The following IL11RA variants were observed in gnomAD, a reference collection of about 807,000 sequenced individuals.
IL11RA encodes interleukin 11 receptor subunit alpha.
In IL11RA, 51 loss-of-function variants were observed where a neutral mutation model predicts 57.0. The ratio of observed to expected loss-of-function variants is 0.89; its 90% confidence interval spans 0.71 to 1.13. The LOEUF (loss-of-function observed/expected upper bound fraction) is 1.13. IL11RA is among the 50% of genes most tolerant of loss of function. The probability of loss-of-function intolerance (pLI) is 0.00; values close to 1 mark genes in which losing one functional copy is unlikely to be tolerated. For synonymous variants in IL11RA, 199 were observed against 217.5 expected (o/e 0.91, Z 0.75); for missense variants, 498 against 539.4 (o/e 0.92, Z 0.76).
At position 34,658,483 on chromosome 9, in the gene IL11RA, C is replaced by G. The variant is rs769179462; in HGVS notation, c.647-37C>G. 1 of 1,611,240 alleles carries G rather than the reference C, an allele frequency of 6.2e-7. No individual in the cohort carries two copies. The highest frequency in any genetic ancestry group is 1.1e-5 in the South Asian group (1 of 91,050). On this transcript the variant is annotated intron_variant, in intron 7 of 12. Coordinates refer to ENST00000441545, the MANE Select transcript of IL11RA (RefSeq NM_001142784.3). This position sits in a 1 kb window ranked among gnomAD's most constrained non-coding sequence, Gnocchi z 4.0. ...AAGTGGTGGGGAAGTGATGGAGACC[C>G]ATAGCCTACCCTGACTTTGTGTCTT...
In IL11RA at chr9:34,657,096, T is replaced by C. The variant is rs1388970899; in HGVS notation, c.393T>C (p.Thr131=). The C allele has an allele frequency of 6.2e-7, 1 of 1,614,052 alleles. No homozygotes were observed. Among genetic ancestry groups the C allele is most frequent in the Non-Finnish European group, 8.5e-7 (1 of 1,180,034 alleles). ...CCGACTATGAGAACTTCTCTTGCAC[T>C]TGGAGTCCCAGCCAGATCAGCGGTT... ...QAADYENFSC[T]WSPSQISGLP... Residue 131 remains threonine, a synonymous_variant, in exon 5 of 13, where the codon ACT becomes ACC. Coordinates refer to ENST00000441545, the MANE Select transcript of IL11RA (RefSeq NM_001142784.3).
At chr9:34,660,648 C>G in intron 11 of IL11RA, 48 bp downstream of exon 11, 1 of 1,484,630 alleles carries the variant, frequency 6.7e-7, no homozygotes, top group East Asian at 2.3e-5. Flanking sequence ...CACACATGCT[C>G]TGATGCCCAT....
chr9:34,657,956 G>A (rs1821379938), intron 7 of IL11RA, among the ~76,000 whole-genome samples: 1 of 152,244 alleles, frequency 6.6e-6, no homozygotes, highest in Admixed American at 6.5e-5. Flanking sequence ...TTCCTTGGAT[G>A]AAAATAGGAA....
rs1224414009 is a variant in IL11RA at position 34,661,693 on chromosome 9, A to G, written c.*195A>G. 1 of 737,424 alleles carries G rather than the reference A, an allele frequency of 1.4e-6. No homozygotes were observed. Among genetic ancestry groups the G allele is most frequent in the African/African-American group, 1.7e-5 (1 of 57,792 alleles). 45.7% of individuals were successfully genotyped at this position (737,424 alleles called of 1,614,324 possible). ...ACCTCTGATTTCACCCCAGAGTTGG[A>G]GTTCTGCTCAAGGAACGTGTGTAAT... On this transcript the variant is annotated 3_prime_UTR_variant, in exon 13 of 13. Coordinates refer to ENST00000441545, the MANE Select transcript of IL11RA (RefSeq NM_001142784.3).
In IL11RA at chr9:34,661,659, G is replaced by C. The variant is rs1821459705; in HGVS notation, c.*161G>C. ...CTGTATTTCAAATTTGCAGCTGAAA[G>C]GTGCTTGTACCTCTGATTTCACCCC... On this transcript the variant is annotated 3_prime_UTR_variant, in exon 13 of 13. Transcript: ENST00000441545. The C allele has an allele frequency of 1.2e-6, 1 of 839,292 alleles. No homozygotes were observed. The highest frequency in any genetic ancestry group is 2.0e-6 in the Non-Finnish European group (1 of 501,332). 52.0% of individuals were successfully genotyped at this position (839,292 alleles called of 1,614,324 possible).
At chr9:34,655,374 A>G (rs1330080818) in intron 2 of IL11RA, 57 bp downstream of exon 2, 3 of 1,088,718 alleles carry the variant, frequency 2.8e-6, no homozygotes, top group African/African-American at 3.1e-5. Context: ...TGCCACCCTC[A>G]CTGTGGCCCC....
intron 1 of IL11RA, among the ~76,000 whole-genome samples, chr9:34,652,512 G>T (rs1821272724): frequency 6.6e-6 from 1 of 152,096 alleles, no homozygotes; most frequent in Admixed American, 6.5e-5. Context: ...TGGTGGGACT[G>T]GGTTGTGTGT....
At chr9:34,659,065 C>T (rs1445855789) in intron 8 of IL11RA, among the ~76,000 whole-genome samples, 1 of 152,138 alleles carries the variant, frequency 6.6e-6, no homozygotes, top group Admixed American at 6.5e-5. Flanking sequence ...GCTGGGACTA[C>T]AGGTGCCCGC....
chr9:34,655,410 C>G, intron 2 of IL11RA, 93 bp downstream of exon 2: 1 of 884,148 alleles, frequency 1.1e-6, no homozygotes, highest in Non-Finnish European at 1.9e-6. Flanking sequence ...TGTGACACCA[C>G]CCCTGCTCCT....
In IL11RA at chr9:34,661,431, G is replaced by A. The variant is rs779121453; in HGVS notation, c.1253-51G>A. 14 of 1,608,034 alleles carry A rather than the reference G, an allele frequency of 8.7e-6. No homozygotes were observed. The African/African-American group carries it at 1.7e-4, about 20-fold the overall frequency. On this transcript the variant is annotated intron_variant, in intron 12 of 12. Coordinates refer to ENST00000441545, the MANE Select transcript of IL11RA (RefSeq NM_001142784.3). ...CCTCCCTCATTCTCAGGGTGTCTGGGCCAAGATCCGGTCTTACTGTCTCTC... is the reference window on the plus strand; with the variant it reads ...CCTCCCTCATTCTCAGGGTGTCTGGACCAAGATCCGGTCTTACTGTCTCTC...
At position 34,659,775 on chromosome 9, in the gene IL11RA, TGGA is replaced by T; in HGVS notation, c.833_835del (p.Glu278del). 1.9e-6 allele frequency: 3 copies of T among 1,614,180 alleles called. No homozygotes were observed. The highest frequency in any genetic ancestry group is 2.5e-6 in the Non-Finnish European group (3 of 1,180,022). ...TACCCCCAGGTGGAGCCAGCTGGACTGGAGGAGGTGATCACAGATGCTGTGGCT... is the reference window on the plus strand; with the variant it reads ...TACCCCCAGGTGGAGCCAGCTGGACTGGAGGTGATCACAGATGCTGTGGCT... On this transcript the variant is annotated inframe_deletion, in exon 9 of 13. Transcript: ENST00000441545.
chr9:34,656,160 TA>T (rs11575577), intron 3 of IL11RA, among the ~76,000 whole-genome samples: 7,143 of 152,044 alleles, frequency 0.047, 256 homozygotes, highest in South Asian at 0.069. Context: ...GCCTCCCAAG[TA>T]GCTGGGATTA....
Position 34,656,787 on chromosome 9 carries a change from A to T in IL11RA, c.210A>T (p.Gly70=). The T allele has an allele frequency of 6.2e-7, 1 of 1,614,114 alleles. No individual in the cohort carries two copies. The change falls in exon 4 of 13, where the codon GGA becomes GGT. Residue 70 remains glycine (G), a synonymous_variant. Coordinates refer to ENST00000441545, the MANE Select transcript of IL11RA (RefSeq NM_001142784.3). ...ATGGGGAGCCAAAGCTGCTCCAGGG[A>T]CCTGACTCTGGGCTAGGGCATGAAC... is the stretch of plus-strand genomic sequence containing the variant. The part of the protein sequence containing the change: ...FRDGEPKLLQ[G]PDSGLGHELV...
intron 1 of IL11RA, chr9:34,654,982 GGTGTGTGTGTCC>G (rs1821314309): frequency 2.0e-6 from 1 of 507,866 alleles, no homozygotes; most frequent in East Asian, 3.6e-5. Context: ...GGTGTGAGGG[GGTGTGTGTGTCC>G]GTGTGTGTGT....
At position 34,657,128 on chromosome 9, in the gene IL11RA, C is replaced by A; in HGVS notation, c.425C>A (p.Thr142Asn). 2.5e-6 allele frequency: 4 copies of A among 1,613,948 alleles called. No individual in the cohort carries two copies. The highest frequency in any genetic ancestry group is 2.2e-5 in the South Asian group (2 of 91,082). Residue 142 changes from threonine to asparagine, a missense_variant, in exon 5 of 13, where the codon ACC becomes AAC. Physicochemically the swap from Thr to Asn is moderately conservative, Grantham distance 65. Transcript: ENST00000441545. Reference protein sequence around the residue: ...WSPSQISGLPTRYLTSYRKKT... With the variant: ...WSPSQISGLPNRYLTSYRKKT... Reference sequence around the variant, plus strand: ...CCCAGCCAGATCAGCGGTTTACCCACCCGCTACCTCACCTCCTACAGGTGT... The same window carrying A: ...CCCAGCCAGATCAGCGGTTTACCCAACCGCTACCTCACCTCCTACAGGTGT...
chr9:34,653,022 TTC>T lies in IL11RA; in HGVS notation c.-1+795_-1+796del, dbSNP rs1821281123. Reference sequence around the variant, plus strand: ...GTGCATTTCCAGTTTTGCCTTTCCTTTCTCTCTGTCTCTCTCTGTGCCCCTAT... The same window carrying T: ...GTGCATTTCCAGTTTTGCCTTTCCTTTCTCTGTCTCTCTCTGTGCCCCTAT... On this transcript the variant is annotated intron_variant, in intron 1 of 12. Transcript: ENST00000441545. This position sits in a 1 kb window ranked among gnomAD's most constrained non-coding sequence, Gnocchi z 4.5. 6.6e-6 allele frequency among the ~76,000 whole-genome samples: 1 copy of T among 152,070 alleles called. No individual in the cohort carries two copies. Among genetic ancestry groups the T allele is most frequent in the African/African-American group, 2.4e-5 (1 of 41,348 alleles).
intron 3 of IL11RA, chr9:34,655,907 C>CCT: frequency 1.7e-6 from 1 of 576,024 alleles, no homozygotes; most frequent in Non-Finnish European, 3.2e-6. Flanking sequence ...AGGCAAGGTG[C>CCT]CTGCCTTCAA....
chr9:34,660,505 T>A lies in IL11RA; in HGVS notation c.1074T>A (p.Asp358Glu), dbSNP rs2132360390. Residue 358 changes from aspartate (D) to glutamate (E), a missense_variant and splice_region_variant, in exon 11 of 13, where the codon GAT becomes GAA. Transcript: ENST00000441545. ...GTGACATGTGGCCCTCCCCCTCAGA[T>A]CACAGGGACTCTGTGGAGCAGGTAG... is the stretch of plus-strand genomic sequence containing the variant. ...PSLQPHPRLL[D>E]HRDSVEQVAV... The A allele has an allele frequency of 1.9e-6, 3 of 1,614,064 alleles. No homozygotes were observed. The highest frequency in any genetic ancestry group is 2.2e-5 in the East Asian group (1 of 44,874).
chr9:34,658,082 G>C lies in IL11RA; in HGVS notation c.647-438G>C, dbSNP rs1014771121. Among the ~76,000 whole-genome samples the C allele has an allele frequency of 2.0e-5, 3 of 152,082 alleles. No homozygotes were observed. Among genetic ancestry groups the C allele is most frequent in the Non-Finnish European group, 2.9e-5 (2 of 68,028 alleles). Reference sequence around the variant, plus strand: ...AGATAGGGTCTCACTTTGTGCCCAGGCTGGATGAAGTTCAGTGGTGTGATC... The same window carrying C: ...AGATAGGGTCTCACTTTGTGCCCAGCCTGGATGAAGTTCAGTGGTGTGATC... On this transcript the variant is annotated intron_variant, in intron 7 of 12. Coordinates refer to ENST00000441545, the MANE Select transcript of IL11RA (RefSeq NM_001142784.3). This position sits in a 1 kb window ranked among gnomAD's most constrained non-coding sequence, Gnocchi z 4.0.
Sources: gnomAD v4.1 joint callset for allele counts (sites outside exome capture counted in the v4.1 genomes callset) on GRCh38, gnomAD v4.1.1 for gene constraint, Gnocchi (gnomAD v3.1) non-coding constraint, MANE v1.5 for transcripts, NCBI Gene and HGNC (gene_info 2026-07-23, HGNC 2026-07-21) for gene names.